NAV3: variants seen among roughly 807,000 people sequenced by gnomAD.
The protein encoded by NAV3 is neuron navigator 3.
Under a neutral mutation model 244.7 loss-of-function variants are expected in NAV3, and 87 were observed. The ratio of observed to expected loss-of-function variants is 0.36; its 90% CI spans 0.30 to 0.42. NAV3 has a LOEUF of 0.42. Ranked by LOEUF, NAV3 falls within the 20% of genes least tolerant of loss-of-function variation. The pLI is 1.00. For synonymous variants in NAV3, 1,126 were observed against 1,042.2 expected, an observed-to-expected ratio of 1.08 and a Z score of -1.55; for missense variants, 2,663 against 2,893.3, an observed-to-expected ratio of 0.92 and a Z score of 1.83.
chr12:78,048,996 C>T (rs765308318), intron 9 of NAV3, among the ~76,000 whole-genome samples: 1 of 152,176 alleles, frequency 6.6e-6, no homozygotes, highest in Non-Finnish European at 1.5e-5. Flanking sequence ...GTCCAAAATT[C>T]CCAGCGGGTT....
intron 2 of NAV3, among the ~76,000 whole-genome samples, chr12:77,726,887 G>A (rs927665706): frequency 2.0e-5 from 3 of 151,892 alleles, no homozygotes; most frequent in Admixed American, 2.0e-4. Flanking sequence ...ACGGAGAGGT[G>A]AGAAAAGCCA....
chr12:77,925,603 C>T (rs536964047), intron 1 of NAV3, among the ~76,000 whole-genome samples: 3 of 152,086 alleles, frequency 2.0e-5, no homozygotes, highest in East Asian at 3.9e-4. Flanking sequence ...TCTTAGTGGT[C>T]ATGTGGTTGG....
At chr12:77,900,306 G>A (rs1053523909) in intron 1 of NAV3, among the ~76,000 whole-genome samples, 1 of 152,058 alleles carries the variant, frequency 6.6e-6, no homozygotes, top group African/African-American at 2.4e-5. Context: ...TCGATCTCCT[G>A]ACCTCATGAT....
At chr12:77,813,930 C>T (rs1184399482) in intron 2 of NAV3, among the ~76,000 whole-genome samples, 1 of 152,176 alleles carries the variant, frequency 6.6e-6, no homozygotes, top group African/African-American at 2.4e-5. Context: ...CTCTTTCTTG[C>T]TCTTCTCCTT....
At chr12:77,904,030 C>T (rs1253810442) in intron 1 of NAV3, among the ~76,000 whole-genome samples, 1 of 152,100 alleles carries the variant, frequency 6.6e-6, no homozygotes, top group Admixed American at 6.6e-5. Context: ...AATAGGAACA[C>T]TTTTACACTG....
chr12:77,576,560 G>A (rs1194160140), intron 2 of NAV3, among the ~76,000 whole-genome samples: 4 of 151,930 alleles, frequency 2.6e-5, no homozygotes, highest in African/African-American at 9.7e-5. Flanking sequence ...TTCTTATTTT[G>A]CTATTTATTT....
intron 22 of NAV3, among the ~76,000 whole-genome samples, chr12:78,151,462 G>T (rs977482896): frequency 6.6e-6 from 1 of 151,974 alleles, no homozygotes; most frequent in African/African-American, 2.4e-5. Flanking sequence ...ATAAAGAAAT[G>T]ACTATTGATA....
intron 9 of NAV3, among the ~76,000 whole-genome samples, chr12:78,041,466 G>A (rs1340760401): frequency 6.6e-6 from 1 of 152,186 alleles, no homozygotes; most frequent in Non-Finnish European, 1.5e-5. Context: ...TTGAGTGACT[G>A]CCTTGGTAAA....
chr12:78,083,638 C>T (rs1953474936), intron 12 of NAV3, among the ~76,000 whole-genome samples: 2 of 152,182 alleles, frequency 1.3e-5, no homozygotes. Flanking sequence ...ACTTCAGTCA[C>T]ACACTCCCAC....
chr12:77,952,084 A>AC (rs71088348), intron 3 of NAV3, among the ~76,000 whole-genome samples: 1 of 150,486 alleles, frequency 6.6e-6, no homozygotes, highest in Non-Finnish European at 1.5e-5. Context: ...AAAAAAAAAA[A>AC]CAGGTTGTTT....
chr12:77,586,246 T>C (rs1451884283), intron 2 of NAV3, among the ~76,000 whole-genome samples: 3 of 152,218 alleles, frequency 2.0e-5, no homozygotes, highest in African/African-American at 7.2e-5. Context: ...CTTCTTATCA[T>C]TGACCAATAT....
intron 3 of NAV3, among the ~76,000 whole-genome samples, chr12:77,959,621 A>T (rs1008737536): frequency 4.5e-4 from 69 of 152,038 alleles, no homozygotes; most frequent in African/African-American, 1.7e-3. Flanking sequence ...AATTTTTCTT[A>T]AATTGAAAAA....
chr12:77,951,733 G>C (rs1344232577), intron 3 of NAV3, among the ~76,000 whole-genome samples: 1 of 152,108 alleles, frequency 6.6e-6, no homozygotes, highest in African/African-American at 2.4e-5. Context: ...GGAATACTAT[G>C]CAGCCATAAA....
chr12:78,166,320 CATT>C (rs1313637994), intron 23 of NAV3, among the ~76,000 whole-genome samples: 1 of 151,654 alleles, frequency 6.6e-6, no homozygotes, highest in Admixed American at 6.6e-5. Context: ...GAGCAGATCT[CATT>C]AACTGAAATG....
intron 23 of NAV3, among the ~76,000 whole-genome samples, chr12:78,162,919 A>T (rs1957620743): frequency 7.7e-6 from 1 of 130,482 alleles, no homozygotes; most frequent in African/African-American, 2.6e-5. Flanking sequence ...TATATTATAT[A>T]ATATATATAT....
At chr12:77,974,265 A>G (rs1893263493) in intron 5 of NAV3, among the ~76,000 whole-genome samples, 1 of 151,800 alleles carries the variant, frequency 6.6e-6, no homozygotes. Flanking sequence ...TTTTATCTAT[A>G]TCAGTATTTT....
At chr12:77,964,703 AAGATTTATT>A (rs1484025869) in intron 3 of NAV3, among the ~76,000 whole-genome samples, 1 of 152,192 alleles carries the variant, frequency 6.6e-6, no homozygotes, top group African/African-American at 2.4e-5. Flanking sequence ...GCAGAACAAT[AAGATTTATT>A]ATGTTATGTT....
chr12:77,917,260 A>C (rs1050739683), intron 1 of NAV3, among the ~76,000 whole-genome samples: 1 of 152,002 alleles, frequency 6.6e-6, no homozygotes, highest in Non-Finnish European at 1.5e-5. Flanking sequence ...CTGTGACTTA[A>C]TTATCAAATT....
At chr12:77,668,323 A>C (rs1042214536) in intron 2 of NAV3, among the ~76,000 whole-genome samples, 1 of 152,230 alleles carries the variant, frequency 6.6e-6, no homozygotes, top group Non-Finnish European at 1.5e-5. Context: ...ATGGTCGACT[A>C]TTAAGCTAAT....
Sources: allele counts gnomAD v4.1 joint callset (sites outside exome capture counted in the v4.1 genomes callset), GRCh38; gene constraint gnomAD v4.1.1; transcripts MANE v1.5; gene names NCBI Gene and HGNC (gene_info 2026-07-23, HGNC 2026-07-21).